The following THSD7B variants were observed in gnomAD, a reference collection of about 807,000 sequenced individuals.
THSD7B encodes thrombospondin type 1 domain containing 7B.
A neutral mutation model predicts 213.6 loss-of-function variants in THSD7B; 138 were observed. The observed-to-expected ratio is 0.65, with a 90% CI of 0.56 to 0.74. The LOEUF (loss-of-function observed/expected upper bound fraction) is 0.74. Ranked by LOEUF, THSD7B falls within the 30% of genes least tolerant of loss-of-function variation. The pLI is 0.00. For missense variants in THSD7B, 1,931 were observed against 1,991.5 expected (o/e 0.97, Z 0.58); for synonymous variants, 742 against 687.0 (o/e 1.08, Z -1.25).
intron 12 of THSD7B, among the ~76,000 whole-genome samples, chr2:137,350,900 C>G (rs7597955): frequency 0.03 from 4,560 of 151,970 alleles, 227 homozygotes; most frequent in African/African-American, 0.1. Flanking sequence ...GATGGTGATG[C>G]CACTTACTGA....
At chr2:137,091,578 G>A (rs1687949570) in intron 3 of THSD7B, among the ~76,000 whole-genome samples, 1 of 151,742 alleles carries the variant, frequency 6.6e-6, no homozygotes, top group Non-Finnish European at 1.5e-5. Context: ...CCAAGATCAA[G>A]GTGGGGGCAG....
At chr2:137,540,301 T>A (rs1250770409) in intron 15 of THSD7B, among the ~76,000 whole-genome samples, 1 of 151,690 alleles carries the variant, frequency 6.6e-6, no homozygotes, top group African/African-American at 2.4e-5. Context: ...TGGCAAAACT[T>A]GTCAAAATCA....
intron 1 of THSD7B, among the ~76,000 whole-genome samples, chr2:136,784,625 C>T (rs953727343): frequency 1.3e-5 from 2 of 151,936 alleles, no homozygotes; most frequent in Non-Finnish European, 2.9e-5. Context: ...TTTCCAAAAC[C>T]TTGAATCGTT....
chr2:137,353,259 G>A lies in THSD7B; in HGVS notation c.2501-52354G>A, dbSNP rs183372360. Among the ~76,000 whole-genome samples the A allele has an allele frequency of 2.0e-5, 3 of 152,146 alleles. No homozygotes were observed. The East Asian group carries it at 5.8e-4, about 29-fold the overall frequency. On this transcript the variant is annotated intron_variant, in intron 12 of 27. Coordinates refer to ENST00000409968, the MANE Select transcript of THSD7B (RefSeq NM_001316349.2). ...TGAGTATGGTGGAATTGCCAACTTA[G>A]GGAGAAATAGATAACCTCATCTGAA... is the stretch of plus-strand genomic sequence containing the variant.
chr2:137,467,815 C>T (rs1374369195), intron 15 of THSD7B, among the ~76,000 whole-genome samples: 3 of 152,138 alleles, frequency 2.0e-5, no homozygotes, highest in African/African-American at 7.2e-5. Context: ...ATGATTCTAT[C>T]TTGCAAGCTA....
At position 136,850,485 on chromosome 2, in the gene THSD7B, T is replaced by C. The variant is rs563470627; in HGVS notation, c.-35-31659T>C. ...TTCAAACTTCCCTCAGTGATGTCAA[T>C]TTTTAAAAAGGGTTGTTCTGGTGAC... On this transcript the variant is annotated intron_variant, in intron 1 of 27. Transcript: ENST00000409968. Among the ~76,000 whole-genome samples, 15 of 152,170 alleles carry C rather than the reference T, an allele frequency of 9.9e-5. No homozygotes were observed. The South Asian group carries it at 3.1e-3, about 32-fold the overall frequency.
intron 1 of THSD7B, among the ~76,000 whole-genome samples, chr2:136,835,293 T>A (rs1682825437): frequency 1.3e-5 from 2 of 152,240 alleles, no homozygotes; most frequent in South Asian, 4.1e-4. Context: ...AAAAGTAGGA[T>A]GATATTTGAG....
chr2:137,353,169 G>GA (rs1216059141), intron 12 of THSD7B, among the ~76,000 whole-genome samples: 1 of 152,060 alleles, frequency 6.6e-6, no homozygotes, highest in South Asian at 2.1e-4. Context: ...GGCAGTGTTA[G>GA]AAAAAATGTC....
intron 4 of THSD7B, among the ~76,000 whole-genome samples, chr2:137,110,113 C>G (rs781673256): frequency 4.6e-5 from 7 of 152,152 alleles, no homozygotes; most frequent in Non-Finnish European, 8.8e-5. Flanking sequence ...TGAAATATCT[C>G]TCCTCGTCCA....
intron 20 of THSD7B, among the ~76,000 whole-genome samples, chr2:137,639,944 A>C (rs1256440953): frequency 2.6e-5 from 4 of 152,208 alleles, no homozygotes; most frequent in African/African-American, 9.6e-5. Flanking sequence ...GCCTTGTCTC[A>C]GATGAGACTT....
intron 12 of THSD7B, among the ~76,000 whole-genome samples, chr2:137,364,626 A>T (rs1211291472): frequency 6.6e-6 from 1 of 152,178 alleles, no homozygotes; most frequent in African/African-American, 2.4e-5. Context: ...ATCATGAGTA[A>T]TCTCCCATTC....
rs192749027 is a variant in THSD7B, at chr2:137,100,522, T to G, written c.1199+5401T>G. 2.6e-5 allele frequency among the ~76,000 whole-genome samples: 4 copies of G among 152,172 alleles called. No homozygotes were observed. The East Asian group carries it at 7.8e-4, about 30-fold the overall frequency. ...AATCGTGTCCTTTAAGAGTGCTTAA[T>G]AGTAATGTCCCAACACATCATCTCA... On this transcript the variant is annotated intron_variant, in intron 4 of 27. Transcript: ENST00000409968.
intron 3 of THSD7B, among the ~76,000 whole-genome samples, chr2:137,067,486 C>T (rs1435417754): frequency 6.6e-6 from 1 of 152,006 alleles, no homozygotes; most frequent in Non-Finnish European, 1.5e-5. Flanking sequence ...AGGTCTGAAA[C>T]AAGCAATTTT....
At chr2:137,018,851 G>A (rs1355600538) in intron 2 of THSD7B, among the ~76,000 whole-genome samples, 1 of 151,962 alleles carries the variant, frequency 6.6e-6, no homozygotes, top group Non-Finnish European at 1.5e-5. Flanking sequence ...TTTTGTTTGG[G>A]AATTATTGGC....
chr2:137,225,656 T>C lies in THSD7B; in HGVS notation c.1724-5388T>C, dbSNP rs138881561. Among the ~76,000 whole-genome samples, 696 of 152,304 alleles carry C rather than the reference T, an allele frequency of 4.6e-3. 3 individuals carry two copies. The highest frequency in any genetic ancestry group is 7.3e-3 in the Non-Finnish European group (496 of 68,024). On this transcript the variant is annotated intron_variant, in intron 7 of 27. Transcript: ENST00000409968. ...TGAATATTCAGTGAAATACTGCATGTGATGTGGTTAGCTAGAGTTTAGTCC... is the reference window on the plus strand; with the variant it reads ...TGAATATTCAGTGAAATACTGCATGCGATGTGGTTAGCTAGAGTTTAGTCC...
At chr2:137,140,615 A>T (rs1487023436) in intron 5 of THSD7B, among the ~76,000 whole-genome samples, 1 of 152,056 alleles carries the variant, frequency 6.6e-6, no homozygotes, top group Non-Finnish European at 1.5e-5. Flanking sequence ...TGCCAACTGG[A>T]TAAGAGAGAA....
chr2:137,445,557 A>G (rs573254519), intron 14 of THSD7B, among the ~76,000 whole-genome samples: 1 of 152,040 alleles, frequency 6.6e-6, no homozygotes, highest in East Asian at 1.9e-4. Context: ...GATTTGAAAA[A>G]CAATATGGAT....
At chr2:137,184,663 T>A (rs187257329) in intron 7 of THSD7B, among the ~76,000 whole-genome samples, 90 of 152,320 alleles carry the variant, frequency 5.9e-4, no homozygotes, top group African/African-American at 2.0e-3. Context: ...ATTGTCTATA[T>A]GTCATATGTC....
chr2:137,078,041 T>A (rs1033049333), intron 3 of THSD7B, among the ~76,000 whole-genome samples: 4 of 152,240 alleles, frequency 2.6e-5, no homozygotes, highest in African/African-American at 9.6e-5. Context: ...GCTTTCTACA[T>A]TTGGCTAGCC....
Sources: gnomAD v4.1 joint callset for allele counts (sites outside exome capture counted in the v4.1 genomes callset) on GRCh38, gnomAD v4.1.1 for gene constraint, MANE v1.5 for transcripts, NCBI Gene and HGNC (gene_info 2026-07-23, HGNC 2026-07-21) for gene names.